The following PRDM16 variants were observed in gnomAD, a reference collection of about 807,000 sequenced individuals.
PRDM16 encodes PR/SET domain 16.
A neutral mutation model predicts 110.6 loss-of-function variants in PRDM16; 23 were observed. The ratio of observed to expected loss-of-function variants is 0.21; its 90% CI spans 0.15 to 0.29. The LOEUF (loss-of-function observed/expected upper bound fraction) is 0.29. Among genes scored for constraint, PRDM16 ranks in the 10% least tolerant of loss-of-function variants. The pLI is 1.00. For missense variants in PRDM16, 1,615 were observed against 1,794.3 expected (o/e 0.90, Z 1.81); for synonymous variants, 799 against 781.8 (o/e 1.02, Z -0.37).
intron 7 of PRDM16, 107 bp downstream of exon 7, chr1:3,404,993 C>A (rs1410272843): frequency 6.3e-6 from 8 of 1,274,492 alleles, no homozygotes; most frequent in South Asian, 1.5e-5. Flanking sequence ...AGATGGAGTG[C>A]GGCAGAGTGG....
chr1:3,231,108 C>G (rs1639398850), intron 2 of PRDM16, among the ~76,000 whole-genome samples: 1 of 152,154 alleles, frequency 6.6e-6, no homozygotes, highest in Non-Finnish European at 1.5e-5. Flanking sequence ...ATGTAAAAGT[C>G]CAGATCATGT....
At chr1:3,433,571 G>A (rs57881111) in intron 16 of PRDM16, 106 bp from the exon 17 acceptor site, 1 of 425,250 alleles carries the variant, frequency 2.4e-6, no homozygotes. Flanking sequence ...CTGCCTGTCT[G>A]GGATGGCCCG....
At position 3,181,392 on chromosome 1, in the gene PRDM16, ACGCATGGTCTTACACAC is replaced by A. The variant is rs1168909187; in HGVS notation, c.38-4732_38-4716del. ...CACACGCAGTCTTACACACGGCCTT[ACGCATGGTCTTACACAC>A]GCAGTCTTACACACGCGGTCTTACA... On this transcript the variant is annotated intron_variant, in intron 1 of 16. Transcript: ENST00000270722. 2.9e-3 allele frequency among the ~76,000 whole-genome samples: 63 copies of A among 21,990 alleles called. 11 individuals carry two copies. Among genetic ancestry groups the A allele is most frequent in the African/African-American group, 5.4e-3 (62 of 11,496 alleles). The allele number at this position is 21,990 out of a possible 152,430, so 14.4% of individuals were successfully genotyped here. A position where few individuals can be genotyped will look rare whatever the true frequency, so the allele number is the denominator to read the frequency against.
Position 3,425,812 on chromosome 1 carries a change from GA to G in PRDM16, c.3109+63del. ...CACACGGGCAGGCCCCACAGAGGGG[GA>G]GGGGGAACAGCAGGGGAGTGGGCGC... On this transcript the variant is annotated intron_variant, in intron 13 of 16. Transcript: ENST00000270722. This position sits in a 1 kb window ranked among gnomAD's most constrained non-coding sequence, Gnocchi z 6.9. The G allele has an allele frequency of 3.1e-6, 5 of 1,594,460 alleles. No individual in the cohort carries two copies. The highest frequency in any genetic ancestry group is 4.3e-6 in the Non-Finnish European group (5 of 1,166,950).
intron 3 of PRDM16, among the ~76,000 whole-genome samples, chr1:3,363,573 C>T (rs769188079): frequency 3.9e-5 from 6 of 152,142 alleles, no homozygotes; most frequent in Non-Finnish European, 5.9e-5. Flanking sequence ...TGGGTGTCTT[C>T]CTTTGTGAGA....
rs897026029 is a variant in PRDM16, at chr1:3,425,859, A to G, written c.3109+109A>G. 6 of 1,399,340 alleles carry G rather than the reference A, an allele frequency of 4.3e-6. No individual in the cohort carries two copies. The highest frequency in any genetic ancestry group is 5.9e-6 in the Non-Finnish European group (6 of 1,019,022). The allele number at this position is 1,399,340 out of a possible 1,614,324, so 86.7% of individuals were successfully genotyped here. On this transcript the variant is annotated intron_variant, in intron 13 of 16. Coordinates refer to ENST00000270722, the MANE Select transcript of PRDM16 (RefSeq NM_022114.4). The surrounding 1 kb of genome is among the most constrained non-coding windows in gnomAD (Gnocchi z 6.9). The stretch of plus-strand genomic sequence containing the variant: ...GGCGCCGGGCAGGGAAGAGGGCCAC[A>G]GACTACCCCTCAGGAAGCCAACAGG...
At chr1:3,193,153 C>T (rs1034287471) in intron 2 of PRDM16, among the ~76,000 whole-genome samples, 25 of 152,190 alleles carry the variant, frequency 1.6e-4, no homozygotes, top group Admixed American at 1.5e-3. Flanking sequence ...GCAGACGCAG[C>T]GGCTTACCAG....
Position 3,404,830 on chromosome 1 carries a change from C to T in PRDM16, c.976C>T (p.Arg326Cys), listed in dbSNP as rs751886479. ...CTTCAACTGGAAGTCCAACCTCATC[C>T]GCCACCAGATGTCCCACGACAGCGG... is the stretch of plus-strand genomic sequence containing the variant. ...KAFNWKSNLI[R>C]HQMSHDSGKR... Residue 326 changes from arginine (R) to cysteine (C), a missense_variant, in exon 7 of 17, where the codon CGC (arginine) becomes TGC (cysteine). Coordinates refer to ENST00000270722, the MANE Select transcript of PRDM16 (RefSeq NM_022114.4). 9 of 1,613,466 alleles carry T rather than the reference C, an allele frequency of 5.6e-6. No individual in the cohort carries two copies. The East Asian group carries it at 6.7e-5, about 12-fold the overall frequency.
intron 1 of PRDM16, among the ~76,000 whole-genome samples, chr1:3,072,802 C>T (rs928692230): frequency 2.0e-5 from 3 of 152,086 alleles, no homozygotes; most frequent in Non-Finnish European, 2.9e-5. Flanking sequence ...AACACAGAGG[C>T]TGCGGTGGAG....
chr1:3,214,673 C>A (rs191664477), intron 2 of PRDM16, among the ~76,000 whole-genome samples: 3 of 152,326 alleles, frequency 2.0e-5, no homozygotes, highest in Admixed American at 2.0e-4. Flanking sequence ...TAGCATCTCG[C>A]AGGGGCAAGA....
chr1:3,134,964 C>T (rs1026474400), intron 1 of PRDM16, among the ~76,000 whole-genome samples: 2 of 152,144 alleles, frequency 1.3e-5, no homozygotes, highest in African/African-American at 4.8e-5. Context: ...AGGGGAGCTG[C>T]CGGGGAGCTG....
chr1:3,368,359 CCTGGGTGGTGGAGCCCTGGCT>C (rs1642852543), intron 3 of PRDM16, among the ~76,000 whole-genome samples: 1 of 152,316 alleles, frequency 6.6e-6, no homozygotes, highest in Non-Finnish European at 1.5e-5. Flanking sequence ...ATGATTGAGC[CCTGGGTGGTGGAGCCCTGGCT>C]CTGGCTGGGC....
chr1:3,231,345 G>T (rs905131), intron 2 of PRDM16, among the ~76,000 whole-genome samples: 38,993 of 134,324 alleles, frequency 0.29, 6,587 homozygotes, highest in African/African-American at 0.57. Context: ...GGTGAGTGAT[G>T]GGCCAGGCAG....
At chr1:3,184,145 T>C (rs1296308739) in intron 1 of PRDM16, among the ~76,000 whole-genome samples, 1 of 152,134 alleles carries the variant, frequency 6.6e-6, no homozygotes, top group African/African-American at 2.4e-5. Context: ...ATCCGCCGCG[T>C]CAATTAGAAA....
intron 3 of PRDM16, among the ~76,000 whole-genome samples, chr1:3,381,274 G>A (rs377178878): frequency 3.3e-4 from 51 of 152,316 alleles, no homozygotes; most frequent in African/African-American, 9.1e-4. Context: ...ATACATGCAC[G>A]CCTGGATGGC....
chr1:3,136,486 G>C (rs551075704), intron 1 of PRDM16, among the ~76,000 whole-genome samples: 1 of 152,306 alleles, frequency 6.6e-6, no homozygotes, highest in Non-Finnish European at 1.5e-5. Flanking sequence ...CTGTTTCCCT[G>C]AATTACAGAG....
rs1638812071 is a variant in PRDM16, at chr1:3,208,752, G to A, written c.387+22278G>A. 1 of 152,256 alleles carries A rather than the reference G, an allele frequency of 6.6e-6. No homozygotes were observed. Among genetic ancestry groups the A allele is most frequent in the East Asian group, 1.9e-4 (1 of 5,194 alleles). 9.4% of individuals were successfully genotyped at this position (152,256 alleles called of 1,614,324 possible). A position where few individuals can be genotyped will look rare whatever the true frequency, so the allele number is the denominator to read the frequency against. On this transcript the variant is annotated intron_variant, in intron 2 of 16. Coordinates refer to ENST00000270722, the MANE Select transcript of PRDM16 (RefSeq NM_022114.4). This position sits in a 1 kb window ranked among gnomAD's most constrained non-coding sequence, Gnocchi z 6.1. ...TGTCTGCCTGGGCAGCAGAGTTGCT[G>A]TAATGGAGAGCCACTGGTCAAAGGT...
intron 4 of PRDM16, among the ~76,000 whole-genome samples, chr1:3,391,104 G>A (rs892572698): frequency 6.6e-6 from 1 of 152,142 alleles, no homozygotes; most frequent in Admixed American, 6.5e-5. Context: ...CAGAAGTGCT[G>A]GGATGACAGG....
chr1:3,284,590 A>G (rs1490484309), intron 3 of PRDM16, among the ~76,000 whole-genome samples: 1 of 152,158 alleles, frequency 6.6e-6, no homozygotes, highest in Non-Finnish European at 1.5e-5. Flanking sequence ...CTGCAGGGAA[A>G]GGGGCGGCCA....
Sources: gnomAD v4.1 joint callset for allele counts (sites outside exome capture counted in the v4.1 genomes callset) on GRCh38, gnomAD v4.1.1 for gene constraint, Gnocchi (gnomAD v3.1) non-coding constraint, MANE v1.5 for transcripts, NCBI Gene and HGNC (gene_info 2026-07-23, HGNC 2026-07-21) for gene names.